Variants in ZNF804A observed in about 807,000 individuals in gnomAD.
The protein encoded by ZNF804A is zinc finger protein 804A.
In ZNF804A, 2 loss-of-function variants were observed where a neutral mutation model predicts 16.5. The observed-to-expected ratio is 0.12, with a 90% confidence interval of 0.05 to 0.38. ZNF804A has a LOEUF of 0.38. ZNF804A is among the 10% of genes least tolerant of loss of function. ZNF804A has a pLI of 0.99. For synonymous variants in ZNF804A, 534 were observed against 489.6 expected (o/e 1.09, Z -1.20); for missense variants, 1,473 against 1,390.7 (o/e 1.06, Z -0.94).
intron 1 of ZNF804A, among the ~76,000 whole-genome samples, chr2:184,756,027 A>G (rs1439879448): frequency 6.6e-6 from 1 of 152,042 alleles, no homozygotes; most frequent in Non-Finnish European, 1.5e-5. Flanking sequence ...TTGCAAAAAC[A>G]AACTGTATGA....
In ZNF804A at chr2:184,939,195, C is replaced by G; in HGVS notation, c.*169C>G. 2 of 743,728 alleles carry G rather than the reference C, an allele frequency of 2.7e-6. No homozygotes were observed. The highest frequency in any genetic ancestry group is 4.2e-5 in the South Asian group (2 of 47,780). 46.1% of individuals were successfully genotyped at this position (743,728 alleles called of 1,614,324 possible). A position where few individuals can be genotyped will look rare whatever the true frequency, so the allele number is the denominator to read the frequency against. On this transcript the variant is annotated 3_prime_UTR_variant, in exon 4 of 4. Coordinates refer to ENST00000302277, the MANE Select transcript of ZNF804A (RefSeq NM_194250.2). Reference sequence around the variant, plus strand: ...TAAGTGCAATGATGCAAATAAATCCCTAAGTTTCTGATATATAATATTATT... The same window carrying G: ...TAAGTGCAATGATGCAAATAAATCCGTAAGTTTCTGATATATAATATTATT...
At chr2:184,741,533 G>A (rs905951140) in intron 1 of ZNF804A, among the ~76,000 whole-genome samples, 4 of 152,044 alleles carry the variant, frequency 2.6e-5, no homozygotes, top group Non-Finnish European at 5.9e-5. Context: ...ACCATAAATC[G>A]CAGAATATCT....
intron 1 of ZNF804A, among the ~76,000 whole-genome samples, chr2:184,720,786 C>T (rs1270124929): frequency 6.6e-6 from 1 of 152,002 alleles, no homozygotes; most frequent in Non-Finnish European, 1.5e-5. Flanking sequence ...ATCAAAAAGA[C>T]CTCAAATAGC....
chr2:184,623,215 C>T (rs1349517974), intron 1 of ZNF804A, among the ~76,000 whole-genome samples: 1 of 151,654 alleles, frequency 6.6e-6, no homozygotes, highest in Admixed American at 6.6e-5. Flanking sequence ...AGTTAATATG[C>T]ATAAAATACT....
At chr2:184,720,282 C>A (rs1168066153) in intron 1 of ZNF804A, among the ~76,000 whole-genome samples, 1 of 152,150 alleles carries the variant, frequency 6.6e-6, no homozygotes, top group East Asian at 1.9e-4. Context: ...CACAACCAAA[C>A]CATATCAACA....
rs551241373 is a variant in ZNF804A, at chr2:184,896,620, C to A, written c.255+30108C>A. On this transcript the variant is annotated intron_variant, in intron 2 of 3. Transcript: ENST00000302277. ...GGCCTGAATTTTCTTATTTTGAAAA[C>A]CTGTACCTTAGCTATTTTTCTCATA... 4.6e-5 allele frequency among the ~76,000 whole-genome samples: 7 copies of A among 152,166 alleles called. No homozygotes were observed. In the East Asian group the frequency reaches 1.2e-3, roughly 25 times the overall value.
chr2:184,708,943 G>A (rs555992307), intron 1 of ZNF804A, among the ~76,000 whole-genome samples: 4 of 151,950 alleles, frequency 2.6e-5, no homozygotes, highest in Admixed American at 6.6e-5. Flanking sequence ...ACACACCCTC[G>A]AAACTCCATT....
chr2:184,677,749 C>T (rs1692462397), intron 1 of ZNF804A, among the ~76,000 whole-genome samples: 2 of 151,948 alleles, frequency 1.3e-5, no homozygotes, highest in Non-Finnish European at 2.9e-5. Context: ...TAAAAGAAAG[C>T]ACATTGCAGT....
intron 1 of ZNF804A, among the ~76,000 whole-genome samples, chr2:184,828,529 A>G (rs945861356): frequency 1.3e-5 from 2 of 151,882 alleles, no homozygotes; most frequent in Middle Eastern, 3.4e-3. Context: ...CATTAAAAAA[A>G]AAGATTATAT....
At chr2:184,897,201 A>G (rs1415854121) in intron 2 of ZNF804A, among the ~76,000 whole-genome samples, 1 of 152,128 alleles carries the variant, frequency 6.6e-6, no homozygotes, top group African/African-American at 2.4e-5. Context: ...GAAAAACCAC[A>G]GAGGAAAATA....
intron 1 of ZNF804A, among the ~76,000 whole-genome samples, chr2:184,847,774 C>G (rs571093880): frequency 2.0e-5 from 3 of 152,144 alleles, no homozygotes; most frequent in African/African-American, 7.2e-5. Flanking sequence ...ACCATTGGCT[C>G]TAAATTGGGA....
intron 1 of ZNF804A, among the ~76,000 whole-genome samples, chr2:184,619,930 C>T (rs1258361396): frequency 1.3e-5 from 2 of 151,732 alleles, no homozygotes; most frequent in Non-Finnish European, 2.9e-5. Context: ...ATGATTAAAT[C>T]TATAGGTAAC....
At chr2:184,925,938 G>A (rs1009142993) in intron 2 of ZNF804A, among the ~76,000 whole-genome samples, 2 of 151,782 alleles carry the variant, frequency 1.3e-5, no homozygotes, top group African/African-American at 4.8e-5. Flanking sequence ...TTTTGGAGAT[G>A]GAGTCTCGCT....
At chr2:184,801,276 G>A (rs1694722047) in intron 1 of ZNF804A, among the ~76,000 whole-genome samples, 2 of 152,020 alleles carry the variant, frequency 1.3e-5, no homozygotes, top group Admixed American at 1.3e-4. Context: ...AAGTGTAGAA[G>A]TTTTGCTATT....
chr2:184,840,750 C>A (rs931811101), intron 1 of ZNF804A, among the ~76,000 whole-genome samples: 1 of 152,090 alleles, frequency 6.6e-6, no homozygotes, highest in East Asian at 1.9e-4. Context: ...TCTCAGTCAT[C>A]TCTTATTCAG....
intron 1 of ZNF804A, among the ~76,000 whole-genome samples, chr2:184,726,496 CAG>C (rs1424812431): frequency 6.6e-6 from 1 of 150,734 alleles, no homozygotes; most frequent in Non-Finnish European, 1.5e-5. Context: ...TGTCGAAATT[CAG>C]AGAGAAAAAA....
At chr2:184,882,714 A>T (rs925130658) in intron 2 of ZNF804A, among the ~76,000 whole-genome samples, 1 of 152,150 alleles carries the variant, frequency 6.6e-6, no homozygotes, top group African/African-American at 2.4e-5. Flanking sequence ...AAATGAAGGC[A>T]GAAATCAAGA....
intron 1 of ZNF804A, among the ~76,000 whole-genome samples, chr2:184,722,514 T>C (rs187612884): frequency 3.5e-4 from 53 of 152,134 alleles, no homozygotes; most frequent in Non-Finnish European, 1.8e-4. Flanking sequence ...TGAATCCAAT[T>C]TACCAATTAT....
chr2:184,712,836 C>T (rs1299391870), intron 1 of ZNF804A, among the ~76,000 whole-genome samples: 1 of 151,668 alleles, frequency 6.6e-6, no homozygotes, highest in Non-Finnish European at 1.5e-5. Context: ...TTATACTCAT[C>T]AGCTCCAGAG....
Sources: allele counts gnomAD v4.1 joint callset (sites outside exome capture counted in the v4.1 genomes callset), GRCh38; gene constraint gnomAD v4.1.1; transcripts MANE v1.5; gene names NCBI Gene and HGNC (gene_info 2026-07-23, HGNC 2026-07-21).